Variants in AGO3 observed in about 807,000 individuals in gnomAD.
AGO3 encodes the protein argonaute RISC catalytic component 3, also known as protein argonaute-3.
Under a neutral mutation model 105.5 loss-of-function variants are expected in AGO3, and 16 were observed. The ratio of observed to expected loss-of-function variants is 0.15; its 90% CI spans 0.10 to 0.23. The LOEUF (loss-of-function observed/expected upper bound fraction) is 0.23, where lower values mean the gene tolerates loss of function less well. AGO3 is among the 10% of genes least tolerant of loss of function. AGO3 has a pLI of 1.00. For missense variants in AGO3, 534 were observed against 1,088.0 expected, an observed-to-expected ratio of 0.49 and a Z score of 7.16; for synonymous variants, 340 against 367.3, an observed-to-expected ratio of 0.93 and a Z score of 0.85.
At chr1:36,013,399 A>G in intron 9 of AGO3, 1 of 462,944 alleles carries the variant, frequency 2.2e-6, no homozygotes. Flanking sequence ...AACCTAATGC[A>G]TACATACAAA....
intron 13 of AGO3, among the ~76,000 whole-genome samples, chr1:36,035,620 G>C (rs114609266): frequency 0.015 from 2,308 of 152,152 alleles, 48 homozygotes; most frequent in African/African-American, 0.053. Context: ...AAAATTTGTG[G>C]ATCATAAGGA....
Position 36,034,174 on chromosome 1 carries a change from C to A in AGO3, c.1592C>A (p.Ala531Glu). 1 of 1,532,640 alleles carries A rather than the reference C, an allele frequency of 6.5e-7. No homozygotes were observed. Among genetic ancestry groups the A allele is most frequent in the Non-Finnish European group, 8.8e-7 (1 of 1,140,482 alleles). The allele number at this position is 1,532,640 out of a possible 1,614,324, so 94.9% of individuals were successfully genotyped here. A position where few individuals can be genotyped will look rare whatever the true frequency, so the allele number is the denominator to read the frequency against. Reference protein sequence around the residue: ...VILPGKTPVYAEVKRVGDTLL... With the variant: ...VILPGKTPVYEEVKRVGDTLL... ...TAGAGGTTTTGCATCTATTCCATAG[C>A]GGAAGTGAAACGTGTAGGAGACACA... Residue 531 changes from alanine to glutamate, a missense_variant and splice_region_variant, in exon 13 of 19, where the codon GCG (alanine) becomes GAG (glutamate). Coordinates refer to ENST00000373191, the MANE Select transcript of AGO3 (RefSeq NM_024852.4).
intron 11 of AGO3, among the ~76,000 whole-genome samples, chr1:36,017,015 C>T (rs754053252): frequency 8.5e-5 from 13 of 152,066 alleles, no homozygotes; most frequent in Non-Finnish European, 1.8e-4. Context: ...ACCTTAGCAC[C>T]ACTCTGTTAC....
In AGO3 at chr1:35,967,046, G is replaced by A. The variant is rs868117174; in HGVS notation, c.283G>A (p.Ala95Thr). 6 of 1,613,322 alleles carry A rather than the reference G, an allele frequency of 3.7e-6. No individual in the cohort carries two copies. Among genetic ancestry groups the A allele is most frequent in the Admixed American group, 1.7e-5 (1 of 59,848 alleles). The change falls in exon 3 of 19, where the codon GCC becomes ACC. Residue 95 changes from alanine (A) to threonine (T), a missense_variant. Ala to Thr is a moderately conservative substitution (Grantham distance 58). Around this residue, in one of 2 missense-constraint regions of AGO3, gnomAD observed 161 missense variants for 234.0 expected, o/e 0.69. Coordinates refer to ENST00000373191, the MANE Select transcript of AGO3 (RefSeq NM_024852.4). ...VYDGKRSLYT[A>T]NPLPVATTGV... ...TGATGGAAAAAGAAGTCTTTACACC[G>A]CCAATCCACTTCCTGTGGCAACTAC...
chr1:35,988,908 A>G (rs765559175), intron 5 of AGO3, among the ~76,000 whole-genome samples: 1 of 152,226 alleles, frequency 6.6e-6, no homozygotes, highest in Non-Finnish European at 1.5e-5. Flanking sequence ...ATAAAATGCT[A>G]TGAAAAATAA....
intron 5 of AGO3, among the ~76,000 whole-genome samples, chr1:35,976,005 G>A (rs897718302): frequency 1.3e-5 from 2 of 148,934 alleles, no homozygotes; most frequent in Non-Finnish European, 3.0e-5. Context: ...GAGTGATCTC[G>A]GCTCACAGCA....
In AGO3 at chr1:36,067,306, T is replaced by C. The variant is rs1400264449; in HGVS notation, c.*11561T>C. On this transcript the variant is annotated 3_prime_UTR_variant, in exon 19 of 19. Transcript: ENST00000373191. ...CAGGGAGTTTAACAAAAGGAAGCTT[T>C]GGTTTTGCTAGCAACAGACTTGATC... 2 of 151,820 alleles carry C rather than the reference T, an allele frequency of 1.3e-5. No homozygotes were observed. The highest frequency in any genetic ancestry group is 4.1e-4 in the East Asian group (2 of 4,924). The allele number at this position is 151,820 out of a possible 1,614,324, so 9.4% of individuals were successfully genotyped here.
At chr1:35,930,846 C>G (rs940322749), upstream of AGO3, 1 of 202,302 alleles carries the variant, frequency 4.9e-6, no homozygotes, top group African/African-American at 2.3e-5. Flanking sequence ...GACGTCGTCG[C>G]AGACAGGCAC....
upstream of AGO3, chr1:35,930,957 T>C (rs966201392): frequency 2.2e-4 from 70 of 312,734 alleles, no homozygotes; most frequent in South Asian, 4.8e-4. Context: ...GTGGCCCGGC[T>C]CCCGGACACC....
At chr1:35,980,264 T>C (rs1292819360) in intron 5 of AGO3, among the ~76,000 whole-genome samples, 1 of 152,248 alleles carries the variant, frequency 6.6e-6, no homozygotes, top group Non-Finnish European at 1.5e-5. Flanking sequence ...GTCATGTTGC[T>C]TAAGTTTTTA....
chr1:36,001,611 CATGAA>C (rs1258219717), intron 5 of AGO3, among the ~76,000 whole-genome samples: 1 of 152,128 alleles, frequency 6.6e-6, no homozygotes, highest in African/African-American at 2.4e-5. Flanking sequence ...GGTGTACTGA[CATGAA>C]AAGATCTCTA....
At chr1:35,941,430 C>A (rs1646253345) in intron 1 of AGO3, among the ~76,000 whole-genome samples, 1 of 152,018 alleles carries the variant, frequency 6.6e-6, no homozygotes, top group Non-Finnish European at 1.5e-5. Flanking sequence ...CAGATCATAA[C>A]ACTTTTTCAC....
In AGO3 at chr1:35,937,199, C is replaced by T. The variant is rs546212165; in HGVS notation, c.19+5754C>T. Among the ~76,000 whole-genome samples the T allele has an allele frequency of 8.8e-4, 134 of 152,146 alleles. 1 individual carries two copies. The highest frequency in any genetic ancestry group is 3.0e-3 in the African/African-American group (124 of 41,520). On this transcript the variant is annotated intron_variant, in intron 1 of 18. Transcript: ENST00000373191. ...GGTGGATCAGCTGAGGTCAGGAGTT[C>T]GAGACTAGCCTGACCAAAATGGTGA...
rs1646038861 is a variant in AGO3 at position 35,931,211 on chromosome 1, C to G, written c.-216C>G. The stretch of plus-strand genomic sequence containing the variant: ...TCCCCTCTGTCCGCGCCTCACATCT[C>G]CCCTTCCTCTCGCCTAGTCCTGTGC... On this transcript the variant is annotated 5_prime_UTR_variant, in exon 1 of 19. Coordinates refer to ENST00000373191, the MANE Select transcript of AGO3 (RefSeq NM_024852.4). 3 of 408,710 alleles carry G rather than the reference C, an allele frequency of 7.3e-6. No individual in the cohort carries two copies. The highest frequency in any genetic ancestry group is 1.3e-5 in the Non-Finnish European group (3 of 230,232). The allele number at this position is 408,710 out of a possible 1,614,324, so 25.3% of individuals were successfully genotyped here.
Position 36,059,080 on chromosome 1 carries a change from T to C in AGO3, c.*3335T>C, listed in dbSNP as rs920982557. ...ATATATGCTAGAGTGGAGCCCTTAA[T>C]TTAAATCTATTTGGAAGGACTTTTT... On this transcript the variant is annotated 3_prime_UTR_variant, in exon 19 of 19. Transcript: ENST00000373191. 1 of 152,176 alleles carries C rather than the reference T, an allele frequency of 6.6e-6. No individual in the cohort carries two copies. The highest frequency in any genetic ancestry group is 6.6e-5 in the Admixed American group (1 of 15,266). The allele number at this position is 152,176 out of a possible 1,614,324, so 9.4% of individuals were successfully genotyped here.
At chr1:36,010,755 A>G (rs1640568440) in intron 9 of AGO3, among the ~76,000 whole-genome samples, 1 of 151,956 alleles carries the variant, frequency 6.6e-6, no homozygotes, top group South Asian at 2.1e-4. Flanking sequence ...AAAAATACAA[A>G]ATTAGCCAGG....
At chr1:35,995,545 T>C (rs1024321992) in intron 5 of AGO3, among the ~76,000 whole-genome samples, 5 of 152,248 alleles carry the variant, frequency 3.3e-5, no homozygotes, top group Admixed American at 3.3e-4. Context: ...AACTGGGTAT[T>C]TGTATTAAAA....
At position 36,014,061 on chromosome 1, in the gene AGO3, A is replaced by C. The variant is rs1488966735; in HGVS notation, c.1406+13A>C. 1 of 1,613,836 alleles carries C rather than the reference A, an allele frequency of 6.2e-7. No homozygotes were observed. On this transcript the variant is annotated intron_variant, in intron 11 of 18. Transcript: ENST00000373191. The stretch of plus-strand genomic sequence containing the variant: ...AAGAAATATTGAAGTAAGACATGTC[A>C]TTACCTTGGCTTTGGGACTTTTTTG...
chr1:36,035,252 T>C (rs1641950318), intron 13 of AGO3, among the ~76,000 whole-genome samples: 4 of 152,128 alleles, frequency 2.6e-5, no homozygotes, highest in Non-Finnish European at 5.9e-5. Flanking sequence ...ATAGAAAGAT[T>C]AGCCATGTGT....
Sources: allele counts gnomAD v4.1 joint callset (sites outside exome capture counted in the v4.1 genomes callset), GRCh38; gene constraint gnomAD v4.1.1; regional missense constraint gnomAD v4.1.1; transcripts MANE v1.5; gene names NCBI Gene and HGNC (gene_info 2026-07-23, HGNC 2026-07-21).